Variants in PKHD1 observed in about 807,000 individuals in gnomAD.
The protein encoded by PKHD1 is PKHD1 ciliary IPT domain containing fibrocystin/polyductin, also known as fibrocystin.
PKHD1 carries 291 observed loss-of-function variants against 412.0 expected under a neutral mutation model. The observed-to-expected ratio is 0.71, with a 90% CI of 0.64 to 0.78. PKHD1 has a LOEUF of 0.78. Ranked by LOEUF, PKHD1 falls within the 30% of genes least tolerant of loss-of-function variation. The pLI is 0.00. For synonymous variants in PKHD1, 1,777 were observed against 1,821.5 expected, an observed-to-expected ratio of 0.98 and a Z score of 0.62; for missense variants, 4,825 against 4,950.7, an observed-to-expected ratio of 0.97 and a Z score of 0.76.
At chr6:51,626,210 G>A (rs946196353) in intron 66 of PKHD1, among the ~76,000 whole-genome samples, 1 of 152,000 alleles carries the variant, frequency 6.6e-6, no homozygotes, top group Non-Finnish European at 1.5e-5. Flanking sequence ...GCTTAAACAC[G>A]CATTCAGAAC....
chr6:51,747,112 C>T (rs75639656), intron 58 of PKHD1, among the ~76,000 whole-genome samples: 1 of 152,214 alleles, frequency 6.6e-6, no homozygotes, highest in Non-Finnish European at 1.5e-5. Flanking sequence ...ATACGTTAAA[C>T]CTTTAAGAGC....
chr6:51,687,356 T>C (rs1291011345), intron 60 of PKHD1, among the ~76,000 whole-genome samples: 5 of 152,360 alleles, frequency 3.3e-5, no homozygotes, highest in Middle Eastern at 3.4e-3. Flanking sequence ...CTTGCCATTA[T>C]GTGTTAATAA....
intron 61 of PKHD1, among the ~76,000 whole-genome samples, chr6:51,656,866 G>A (rs1771941494): frequency 2.0e-5 from 3 of 151,668 alleles, no homozygotes; most frequent in Admixed American, 2.0e-4. Flanking sequence ...ATGTTGCCTA[G>A]GCTGGTCTCA....
intron 35 of PKHD1, among the ~76,000 whole-genome samples, chr6:51,974,623 A>G (rs1169185172): frequency 1.3e-5 from 2 of 152,190 alleles, no homozygotes; most frequent in Non-Finnish European, 2.9e-5. Flanking sequence ...CAAACATTGT[A>G]TGTTCTCACT....
chr6:52,010,920 A>G (rs1799729559), intron 34 of PKHD1, among the ~76,000 whole-genome samples: 1 of 152,166 alleles, frequency 6.6e-6, no homozygotes, highest in Non-Finnish European at 1.5e-5. Flanking sequence ...AGAAATTGGA[A>G]AACCCACACA....
At chr6:51,743,361 G>A (rs2150957091) in intron 60 of PKHD1, among the ~76,000 whole-genome samples, 1 of 152,240 alleles carries the variant, frequency 6.6e-6, no homozygotes, top group East Asian at 1.9e-4. Context: ...TACTTAAATA[G>A]CCTAATGAAT....
chr6:51,917,038 T>G (rs569290045), intron 37 of PKHD1, among the ~76,000 whole-genome samples: 146 of 151,630 alleles, frequency 9.6e-4, no homozygotes, highest in Non-Finnish European at 1.5e-3. Context: ...TGGAGAAAAA[T>G]AAAATAATCC....
At chr6:51,874,565 C>T (rs1232413435) in intron 46 of PKHD1, among the ~76,000 whole-genome samples, 1 of 152,118 alleles carries the variant, frequency 6.6e-6, no homozygotes, top group Non-Finnish European at 1.5e-5. Context: ...ATGTGACTCA[C>T]AGATAATTGT....
chr6:51,929,438 G>C (rs189456005), intron 37 of PKHD1, among the ~76,000 whole-genome samples: 1 of 152,212 alleles, frequency 6.6e-6, no homozygotes, highest in Admixed American at 6.5e-5. Context: ...AATTACTTGA[G>C]CAATTTAAAC....
intron 60 of PKHD1, 96 bp from the exon 61 acceptor site, chr6:51,660,065 TA>T (rs1772594291): frequency 1.3e-6 from 1 of 770,910 alleles, no homozygotes; most frequent in Non-Finnish European, 2.1e-6. Context: ...TATAACTGGA[TA>T]AAATATTTAT....
intron 46 of PKHD1, among the ~76,000 whole-genome samples, chr6:51,873,996 C>G (rs1032039671): frequency 6.6e-6 from 1 of 151,928 alleles, no homozygotes. Context: ...GAGATTTCTC[C>G]CAGGGAGAGC....
At chr6:51,992,360 C>T (rs756905891) in intron 35 of PKHD1, among the ~76,000 whole-genome samples, 2 of 152,096 alleles carry the variant, frequency 1.3e-5, no homozygotes, top group Admixed American at 6.5e-5. Flanking sequence ...CCCAAAACAG[C>T]GATTACATAC....
chr6:51,745,475 G>A (rs1354473419), intron 59 of PKHD1, among the ~76,000 whole-genome samples: 1 of 152,144 alleles, frequency 6.6e-6, no homozygotes, highest in Non-Finnish European at 1.5e-5. Context: ...TTGGAAGGAG[G>A]GAGAAACCTT....
At chr6:51,757,717 T>C (rs1787254701) in intron 55 of PKHD1, among the ~76,000 whole-genome samples, 1 of 152,016 alleles carries the variant, frequency 6.6e-6, no homozygotes, top group African/African-American at 2.4e-5. Context: ...TAAGACTATA[T>C]AAGGCCAGGT....
chr6:51,832,776 C>T (rs917277932), intron 51 of PKHD1, among the ~76,000 whole-genome samples: 6 of 152,084 alleles, frequency 3.9e-5, no homozygotes, highest in African/African-American at 1.4e-4. Context: ...ACATGAGGAA[C>T]ACTTAGTTAT....
chr6:51,874,990 G>C (rs956291177), intron 46 of PKHD1, among the ~76,000 whole-genome samples: 1 of 65,350 alleles, frequency 1.5e-5, no homozygotes, highest in Non-Finnish European at 2.7e-5. Context: ...CCGAGTCAAA[G>C]AAAGGGGTGA....
chr6:51,955,189 T>A (rs1380662522), intron 36 of PKHD1, among the ~76,000 whole-genome samples: 1 of 144,832 alleles, frequency 6.9e-6, no homozygotes, highest in Admixed American at 6.8e-5. Context: ...ACGGTGCCCC[T>A]AAAAAATATT....
Position 52,022,796 on chromosome 6 carries a change from C to A in PKHD1, c.5380+5G>T, listed in dbSNP as rs757273326. 6 of 1,613,734 alleles carry A rather than the reference C, an allele frequency of 3.7e-6. No individual in the cohort carries two copies. Among genetic ancestry groups the A allele is most frequent in the Non-Finnish European group, 5.1e-6 (6 of 1,179,768 alleles). On this transcript the variant is annotated splice_donor_5th_base_variant and intron_variant, in intron 33 of 66. Transcript: ENST00000371117. ...AAAATATATGTGTGTGGCATCTTTA[C>A]TCACCATCCAGGGGCAGAACCAAGC...
intron 52 of PKHD1, among the ~76,000 whole-genome samples, chr6:51,816,615 C>A (rs1045495580): frequency 5.3e-5 from 8 of 152,226 alleles, no homozygotes; most frequent in African/African-American, 1.9e-4. Context: ...TGTAAACAGA[C>A]TGTAACCTAC....
Sources: allele counts gnomAD v4.1 joint callset (sites outside exome capture counted in the v4.1 genomes callset), GRCh38; gene constraint gnomAD v4.1.1; transcripts MANE v1.5; gene names NCBI Gene and HGNC (gene_info 2026-07-23, HGNC 2026-07-21).